COL4A1: variants seen among roughly 807,000 people sequenced by gnomAD.
COL4A1 encodes the protein collagen alpha-1(IV) chain.
A neutral mutation model predicts 216.6 loss-of-function variants in COL4A1; 40 were observed. That is an observed-to-expected ratio of 0.18 (90% CI 0.14 to 0.24). The LOEUF (loss-of-function observed/expected upper bound fraction) is 0.24. COL4A1 is among the 10% of genes least tolerant of loss of function. COL4A1 has a pLI of 1.00. For missense variants in COL4A1, 1,628 were observed against 2,196.8 expected (o/e 0.74, Z 5.18); for synonymous variants, 839 against 810.7 (o/e 1.03, Z -0.59).
chr13:110,209,569 TCC>T, intron 10 of COL4A1, 142 bp from the exon 11 acceptor site: 1 of 709,088 alleles, frequency 1.4e-6, no homozygotes, highest in Non-Finnish European at 2.4e-6. Flanking sequence ...TTCCCCTCCC[TCC>T]CCACTCCTAG....
intron 1 of COL4A1, among the ~76,000 whole-genome samples, chr13:110,267,295 G>A (rs569074152): frequency 6.6e-6 from 1 of 152,282 alleles, no homozygotes; most frequent in African/African-American, 2.4e-5. Context: ...ACGGAGCTAC[G>A]CACACTTTCA....
chr13:110,290,484 C>T (rs1304426169), intron 1 of COL4A1, among the ~76,000 whole-genome samples: 1 of 152,158 alleles, frequency 6.6e-6, no homozygotes, highest in African/African-American at 2.4e-5. Flanking sequence ...AGGTTACAAA[C>T]CCATAGCATT....
rs572635947 is a variant in COL4A1, at chr13:110,219,791, T to C, written c.145-5776A>G. Reference sequence around the variant, plus strand: ...ATATGTATATATATGCGTATATATGTGTATATATGTATATATGTGTATATA... The same window carrying C: ...ATATGTATATATATGCGTATATATGCGTATATATGTATATATGTGTATATA... On this transcript the variant is annotated intron_variant, in intron 2 of 51. Transcript: ENST00000375820. Among the ~76,000 whole-genome samples, 207 of 141,196 alleles carry C rather than the reference T, an allele frequency of 1.5e-3. 2 individuals are homozygous for C. Among genetic ancestry groups the C allele is most frequent in the African/African-American group, 4.6e-3 (178 of 38,810 alleles). The allele number at this position is 141,196 out of a possible 152,430, so 92.6% of individuals were successfully genotyped here. A position where few individuals can be genotyped will look rare whatever the true frequency, so the allele number is the denominator to read the frequency against.
At chr13:110,291,502 G>C (rs1392254304) in intron 1 of COL4A1, among the ~76,000 whole-genome samples, 2 of 152,260 alleles carry the variant, frequency 1.3e-5, no homozygotes, top group East Asian at 3.9e-4. Flanking sequence ...CAGACCACAA[G>C]TCAGCCCTCT....
At chr13:110,251,454 G>A (rs186878957) in intron 1 of COL4A1, among the ~76,000 whole-genome samples, 6 of 152,350 alleles carry the variant, frequency 3.9e-5, no homozygotes, top group Admixed American at 3.9e-4. Flanking sequence ...AACAGGTGGT[G>A]AGATTCACTT....
At chr13:110,253,332 T>A (rs187110330) in intron 1 of COL4A1, among the ~76,000 whole-genome samples, 2 of 43,672 alleles carry the variant, frequency 4.6e-5, no homozygotes, top group African/African-American at 6.7e-5. Context: ...TATAATTATA[T>A]GTATTACATA....
intron 2 of COL4A1, among the ~76,000 whole-genome samples, chr13:110,217,774 G>A (rs1674891160): frequency 6.6e-6 from 1 of 152,166 alleles, no homozygotes; most frequent in Non-Finnish European, 1.5e-5. Context: ...AAGTGCCATT[G>A]TCTATAAAGA....
chr13:110,273,177 A>G lies in COL4A1; in HGVS notation c.85-30443T>C, dbSNP rs140862831. On this transcript the variant is annotated intron_variant, in intron 1 of 51. Coordinates refer to ENST00000375820, the MANE Select transcript of COL4A1 (RefSeq NM_001845.6). ...GCATTATGGGCCTGGCAAATCACTC[A>G]CATGAATTCAGCAATGTCCATTTAA... is the stretch of plus-strand genomic sequence containing the variant. 6.0e-3 allele frequency among the ~76,000 whole-genome samples: 913 copies of G among 152,346 alleles called. 8 individuals carry two copies. The highest frequency in any genetic ancestry group is 0.02 in the Middle Eastern group (6 of 294).
At chr13:110,208,104 G>A (rs1394399631) in intron 12 of COL4A1, among the ~76,000 whole-genome samples, 3 of 152,226 alleles carry the variant, frequency 2.0e-5, no homozygotes, top group Non-Finnish European at 4.4e-5. Context: ...GGATGTCAGA[G>A]GAGAATCTGG....
rs781156754 is a variant in COL4A1, at chr13:110,183,247, G to C, written c.1927C>G (p.Pro643Ala). 1.1e-5 allele frequency: 17 copies of C among 1,613,552 alleles called. No individual in the cohort carries two copies. In the Admixed American group the frequency reaches 2.8e-4, roughly 27 times the overall value. ...GPKGEPGKIVPLPGPPGAEGL... is the reference protein window; with the variant it reads ...GPKGEPGKIVALPGPPGAEGL... The stretch of plus-strand genomic sequence containing the variant: ...TCTGCTCCAGGGGGGCCTGGTAAAG[G>C]AACAATTTTTCCTGGTTCACCCTTT... Residue 643 changes from proline to alanine, a missense_variant, in exon 27 of 52, where the codon CCT (proline) becomes GCT (alanine). Around this residue, in one of 8 missense-constraint regions of COL4A1, gnomAD observed 701 missense variants for 892.5 expected, o/e 0.79. Transcript: ENST00000375820.
At position 110,231,967 on chromosome 13, in the gene COL4A1, C is replaced by T. The variant is rs553684815; in HGVS notation, c.144+10708G>A. Among the ~76,000 whole-genome samples, 23 of 152,300 alleles carry T rather than the reference C, an allele frequency of 1.5e-4. No homozygotes were observed. In the East Asian group the frequency reaches 4.4e-3, roughly 29 times the overall value. On this transcript the variant is annotated intron_variant, in intron 2 of 51. Coordinates refer to ENST00000375820, the MANE Select transcript of COL4A1 (RefSeq NM_001845.6). ...TCTAGCAAGACGTGTGTAAGAAATT[C>T]ACATCTATCATTCATTACCTTCAGG... is the stretch of plus-strand genomic sequence containing the variant.
At chr13:110,172,207 G>C (rs1877678259) in intron 41 of COL4A1, among the ~76,000 whole-genome samples, 1 of 152,212 alleles carries the variant, frequency 6.6e-6, no homozygotes, top group Admixed American at 6.5e-5. Context: ...CACATGCCTT[G>C]TATTTTCTGT....
intron 2 of COL4A1, among the ~76,000 whole-genome samples, chr13:110,236,925 T>C (rs1443895426): frequency 6.6e-6 from 1 of 152,184 alleles, no homozygotes; most frequent in Non-Finnish European, 1.5e-5. Context: ...CAGGAGTGGC[T>C]GCTGACTGGC....
At position 110,233,054 on chromosome 13, in the gene COL4A1, C is replaced by T. The variant is rs1237730881; in HGVS notation, c.144+9621G>A. Among the ~76,000 whole-genome samples the T allele has an allele frequency of 4.6e-5, 7 of 152,146 alleles. No individual in the cohort carries two copies. The East Asian group carries it at 1.4e-3, about 29-fold the overall frequency. On this transcript the variant is annotated intron_variant, in intron 2 of 51. Coordinates refer to ENST00000375820, the MANE Select transcript of COL4A1 (RefSeq NM_001845.6). ...CATAGGGGAGCCAGCGACGGGTGGG[C>T]CTCGTGTGCAGAATAAAATAAACCA...
intron 1 of COL4A1, among the ~76,000 whole-genome samples, chr13:110,295,894 G>A (rs565967201): frequency 6.6e-6 from 1 of 152,332 alleles, no homozygotes; most frequent in South Asian, 2.1e-4. Flanking sequence ...GTCAGCTCCA[G>A]CTCTCCGGGG....
intron 12 of COL4A1, among the ~76,000 whole-genome samples, chr13:110,208,145 G>A (rs889825638): frequency 6.6e-6 from 1 of 152,196 alleles, no homozygotes; most frequent in African/African-American, 2.4e-5. Flanking sequence ...GCAATGGCAG[G>A]CATCCCTTCT....
rs191923843 is a variant in COL4A1, at chr13:110,250,458, A to G, written c.85-7724T>C. ...GTTCTGGTCTCATTTTCCCTGTCAT[A>G]TAATTTTGTTGACTCATGTTTCACT... is the stretch of plus-strand genomic sequence containing the variant. On this transcript the variant is annotated intron_variant, in intron 1 of 51. Coordinates refer to ENST00000375820, the MANE Select transcript of COL4A1 (RefSeq NM_001845.6). 2.6e-4 allele frequency among the ~76,000 whole-genome samples: 40 copies of G among 152,256 alleles called. 1 individual carries two copies. Among genetic ancestry groups the G allele is most frequent in the Middle Eastern group, 6.9e-3 (2 of 290 alleles).
chr13:110,176,291 A>T, intron 36 of COL4A1, 133 bp downstream of exon 36: 1 of 724,082 alleles, frequency 1.4e-6, no homozygotes. Flanking sequence ...AGAGCTGGGG[A>T]TGTGAATTCA....
intron 1 of COL4A1, among the ~76,000 whole-genome samples, chr13:110,295,753 C>T (rs958222791): frequency 1.3e-5 from 2 of 152,152 alleles, no homozygotes; most frequent in Non-Finnish European, 2.9e-5. Flanking sequence ...CTGACCTCAA[C>T]CTATGCTGAA....
Sources: allele counts gnomAD v4.1 joint callset (sites outside exome capture counted in the v4.1 genomes callset), GRCh38; gene constraint gnomAD v4.1.1; regional missense constraint gnomAD v4.1.1; transcripts MANE v1.5; gene names NCBI Gene and HGNC (gene_info 2026-07-23, HGNC 2026-07-21).